Variants in NXPH2 observed in about 807,000 individuals in gnomAD.
NXPH2 encodes neurexophilin-2.
NXPH2 carries 5 observed loss-of-function variants against 19.8 expected under a neutral mutation model. That is an observed-to-expected ratio of 0.25 (90% confidence interval 0.13 to 0.53). NXPH2 has a LOEUF of 0.53. Among genes scored for constraint, NXPH2 ranks in the 20% least tolerant of loss-of-function variants. NXPH2 has a pLI of 0.96. For missense variants in NXPH2, 289 were observed against 322.8 expected (o/e 0.90, Z 0.80); for synonymous variants, 154 against 127.4 (o/e 1.21, Z -1.41).
chr2:138,774,588 A>G (rs1682230666), intron 1 of NXPH2, among the ~76,000 whole-genome samples: 1 of 152,252 alleles, frequency 6.6e-6, no homozygotes, highest in Non-Finnish European at 1.5e-5. Flanking sequence ...CTACTTTGTC[A>G]TTATTGACTT....
intron 1 of NXPH2, among the ~76,000 whole-genome samples, chr2:138,736,646 C>T (rs546512486): frequency 3.2e-4 from 49 of 152,326 alleles, no homozygotes; most frequent in Admixed American, 1.8e-3. Flanking sequence ...ACATTTGGCT[C>T]CAGGTTACTT....
At position 138,671,415 on chromosome 2, in the gene NXPH2, G is replaced by A. The variant is rs775210199; in HGVS notation, c.302C>T (p.Pro101Leu). ...CTTAAATTTTCCTGTTTTTACTATT[G>A]GCCTCCGTTTAGTTCTTGCCAATGG... ...QEPLARTKRR[P>L]IVKTGKFKKM... Residue 101 changes from proline to leucine, a missense_variant, in exon 2 of 2, where the codon CCA becomes CTA. Physicochemically the swap from Pro to Leu is moderately conservative, Grantham distance 98 (BLOSUM62 -3). Transcript: ENST00000272641. 1.9e-6 allele frequency: 3 copies of A among 1,613,852 alleles called. No homozygotes were observed. Among genetic ancestry groups the A allele is most frequent in the Middle Eastern group, 1.6e-4 (1 of 6,084 alleles).
At chr2:138,701,339 T>A (rs1459515453) in intron 1 of NXPH2, among the ~76,000 whole-genome samples, 1 of 151,948 alleles carries the variant, frequency 6.6e-6, no homozygotes, top group African/African-American at 2.4e-5. Flanking sequence ...CATAAATAAG[T>A]GAGAAGAAAA....
chr2:138,677,695 G>C (rs1264983633), intron 1 of NXPH2, among the ~76,000 whole-genome samples: 13 of 152,158 alleles, frequency 8.5e-5, no homozygotes, highest in Admixed American at 5.9e-4. Context: ...TTTTATAGTA[G>C]CAGATGTGAG....
intron 1 of NXPH2, among the ~76,000 whole-genome samples, chr2:138,736,848 T>C (rs1476237562): frequency 2.0e-5 from 3 of 152,214 alleles, no homozygotes; most frequent in Non-Finnish European, 4.4e-5. Flanking sequence ...ACCTAAATCA[T>C]CTCTCAAGTT....
chr2:138,748,999 G>A (rs535534441), intron 1 of NXPH2, among the ~76,000 whole-genome samples: 1 of 152,246 alleles, frequency 6.6e-6, no homozygotes, highest in East Asian at 1.9e-4. Flanking sequence ...TAGTCCTAAA[G>A]TTTTAGGTTT....
At chr2:138,711,210 G>T (rs2104987891) in intron 1 of NXPH2, among the ~76,000 whole-genome samples, 1 of 131,926 alleles carries the variant, frequency 7.6e-6, no homozygotes, top group African/African-American at 2.8e-5. Context: ...GCGCCATCTT[G>T]GCTCACTGCA....
chr2:138,696,016 A>AAAAT (rs36105639), intron 1 of NXPH2, among the ~76,000 whole-genome samples: 11,256 of 151,822 alleles, frequency 0.074, 1,415 homozygotes, highest in African/African-American at 0.26. Context: ...CCTGTCTCTA[A>AAAAT]AAATAAATAA....
chr2:138,744,619 T>C (rs1319871961), intron 1 of NXPH2, among the ~76,000 whole-genome samples: 1 of 152,140 alleles, frequency 6.6e-6, no homozygotes, highest in Non-Finnish European at 1.5e-5. Context: ...TCCCTATGTC[T>C]CCCTCCTCCA....
At position 138,754,944 on chromosome 2, in the gene NXPH2, A is replaced by G. The variant is rs80196199; in HGVS notation, c.51+25247T>C. Among the ~76,000 whole-genome samples the G allele has an allele frequency of 2.4e-4, 37 of 152,220 alleles. No homozygotes were observed. The East Asian group carries it at 6.8e-3, about 28-fold the overall frequency. On this transcript the variant is annotated intron_variant, in intron 1 of 1. Transcript: ENST00000272641. ...ATTGTGGTATCTTCTAGTTGTTTAA[A>G]TGTTCAATCATGAATGACAAATGAT...
At position 138,700,074 on chromosome 2, in the gene NXPH2, T is replaced by A. The variant is rs111668714; in HGVS notation, c.52-28409A>T. On this transcript the variant is annotated intron_variant, in intron 1 of 1. Coordinates refer to ENST00000272641, the MANE Select transcript of NXPH2 (RefSeq NM_007226.3). ...TGTAAGGCAAGTGATAATATCCTCA[T>A]GTTGCAGATGAGAGATCAGGGCACA... is the stretch of plus-strand genomic sequence containing the variant. Among the ~76,000 whole-genome samples, 265 of 152,286 alleles carry A rather than the reference T, an allele frequency of 1.7e-3. 1 individual carries two copies. Among genetic ancestry groups the A allele is most frequent in the African/African-American group, 6.2e-3 (256 of 41,564 alleles).
intron 1 of NXPH2, among the ~76,000 whole-genome samples, chr2:138,692,381 T>C (rs1680758756): frequency 6.6e-6 from 1 of 152,226 alleles, no homozygotes; most frequent in Admixed American, 6.5e-5. Context: ...TCAATTTTTA[T>C]ATTTCAACAA....
chr2:138,768,844 C>T (rs1018812278), intron 1 of NXPH2, among the ~76,000 whole-genome samples: 23 of 152,254 alleles, frequency 1.5e-4, no homozygotes, highest in African/African-American at 5.1e-4. Context: ...CTAATAACTA[C>T]CATTATTTTA....
At chr2:138,744,132 G>A (rs1681690197) in intron 1 of NXPH2, among the ~76,000 whole-genome samples, 1 of 152,010 alleles carries the variant, frequency 6.6e-6, no homozygotes, top group South Asian at 2.1e-4. Context: ...TATTAGTAGA[G>A]GGGTGATTTG....
chr2:138,762,038 C>A (rs1479605838), intron 1 of NXPH2, among the ~76,000 whole-genome samples: 1 of 152,164 alleles, frequency 6.6e-6, no homozygotes. Flanking sequence ...GCAGGAATTT[C>A]TGTTGGAAAA....
rs1484737275 is a variant in NXPH2, at chr2:138,728,178, CTG to C, written c.51+52011_51+52012del. Among the ~76,000 whole-genome samples the C allele has an allele frequency of 1.5e-3, 223 of 143,972 alleles. 2 individuals are homozygous for C. Among genetic ancestry groups the C allele is most frequent in the Admixed American group, 2.7e-3 (39 of 14,212 alleles). 94.5% of individuals were successfully genotyped at this position (143,972 alleles called of 152,430 possible). A position where few individuals can be genotyped will look rare whatever the true frequency, so the allele number is the denominator to read the frequency against. On this transcript the variant is annotated intron_variant, in intron 1 of 1. Transcript: ENST00000272641. ...GCGCTCTCTCTCTCTCTCTCTCTCT[CTG>C]TCTGTCTCTCTTCCCTCTGTCTCTC...
At chr2:138,719,194 A>G (rs984123684) in intron 1 of NXPH2, among the ~76,000 whole-genome samples, 17 of 152,130 alleles carry the variant, frequency 1.1e-4, no homozygotes, top group African/African-American at 4.1e-4. Context: ...AAAGAATGAG[A>G]TATGTCTATA....
At chr2:138,776,263 C>A (rs1188600198) in intron 1 of NXPH2, among the ~76,000 whole-genome samples, 1 of 151,902 alleles carries the variant, frequency 6.6e-6, no homozygotes, top group African/African-American at 2.4e-5. Context: ...AAGCTTTCTG[C>A]CTTATTTAGC....
At chr2:138,708,977 A>T (rs995531547) in intron 1 of NXPH2, among the ~76,000 whole-genome samples, 11 of 152,258 alleles carry the variant, frequency 7.2e-5, no homozygotes, top group African/African-American at 2.7e-4. Context: ...TAGACCAATT[A>T]TGACAGCAAA....
Sources: gnomAD v4.1 joint callset for allele counts (sites outside exome capture counted in the v4.1 genomes callset) on GRCh38, gnomAD v4.1.1 for gene constraint, MANE v1.5 for transcripts, NCBI Gene and HGNC (gene_info 2026-07-23, HGNC 2026-07-21) for gene names.